The following GTF3A variants were observed in gnomAD, a reference collection of about 807,000 sequenced individuals.
GTF3A encodes transcription factor IIIA.
A neutral mutation model predicts 37.6 loss-of-function variants in GTF3A; 40 were observed. The observed-to-expected ratio is 1.06, with a 90% CI of 0.83 to 1.38. The LOEUF (loss-of-function observed/expected upper bound fraction) is 1.38. GTF3A is among the 40% of genes most tolerant of loss of function. The pLI is 0.00. For missense variants in GTF3A, 500 were observed against 462.6 expected (o/e 1.08, Z -0.74); for synonymous variants, 191 against 166.7 (o/e 1.15, Z -1.12).
At chr13:27,425,780 C>T (rs976820483) in intron 1 of GTF3A, 1 of 152,228 alleles carries the variant, frequency 6.6e-6, no homozygotes, top group Non-Finnish European at 1.5e-5. Context: ...CACACTGCCT[C>T]AGCTTAAAGC....
chr13:27,432,797 C>G lies in GTF3A; in HGVS notation c.555C>G (p.Ala185=), dbSNP rs764010737. Residue 185 remains alanine, a synonymous_variant, in exon 5 of 9, where the codon GCC becomes GCG. Transcript: ENST00000381140. Reference sequence around the variant, plus strand: ...GCAAGCTGAAACGACATGCCAAGGCCCACGAGGGTGTGTACGGATAGCCTG... The same window carrying G: ...GCAAGCTGAAACGACATGCCAAGGCGCACGAGGGTGTGTACGGATAGCCTG... 1.2e-6 allele frequency: 2 copies of G among 1,601,038 alleles called. No individual in the cohort carries two copies. The highest frequency in any genetic ancestry group is 4.5e-5 in the East Asian group (2 of 44,394).
Position 27,430,599 on chromosome 13 carries a change from C to CA in GTF3A, c.467dup (p.His156GlnfsTer4). The CA allele has an allele frequency of 6.2e-7, 1 of 1,609,214 alleles. No individual in the cohort carries two copies. Among genetic ancestry groups the CA allele is most frequent in the Non-Finnish European group, 8.5e-7 (1 of 1,175,866 alleles). Reference sequence around the variant, plus strand: ...GCAGCTGAAAATCCATCAGTGCCAGCATACCAATGAACCTCTATTCAAGTA... The same window carrying CA: ...GCAGCTGAAAATCCATCAGTGCCAGCAATACCAATGAACCTCTATTCAAGTA... On this transcript the variant is annotated frameshift_variant, in exon 4 of 9. Transcript: ENST00000381140. LOFTEE classifies it high-confidence loss of function.
chr13:27,432,181 T>C (rs980490093), intron 4 of GTF3A, among the ~76,000 whole-genome samples: 4 of 152,328 alleles, frequency 2.6e-5, no homozygotes, highest in Admixed American at 1.3e-4. Flanking sequence ...CACTTTCCCT[T>C]GACTTGCACA....
chr13:27,434,396 G>A (rs1167408876), intron 6 of GTF3A, among the ~76,000 whole-genome samples, 177 bp downstream of exon 6: 1 of 152,226 alleles, frequency 6.6e-6, no homozygotes, highest in Admixed American at 6.5e-5. Context: ...CCAGGTCTCT[G>A]AGCCACCCCA....
rs752120193 is a variant in GTF3A at position 27,434,995 on chromosome 13, G to A, written c.834G>A (p.Val278=). ...TCCATGAGGAAAGCCGCCCTTTTGT[G>A]TGTGAACATGCTGGCTGTGGCAAAA... Residue 278 remains valine, a synonymous_variant, in exon 7 of 9, where the codon GTG becomes GTA. Transcript: ENST00000381140. 3 of 1,610,902 alleles carry A rather than the reference G, an allele frequency of 1.9e-6. No individual in the cohort carries two copies. The highest frequency in any genetic ancestry group is 1.7e-5 in the Admixed American group (1 of 60,020).
chr13:27,428,709 G>A (rs543142319), intron 2 of GTF3A, among the ~76,000 whole-genome samples: 19 of 152,278 alleles, frequency 1.2e-4, no homozygotes, highest in South Asian at 1.2e-3. Flanking sequence ...GTGAAGAATG[G>A]CAGGAACCCC....
chr13:27,434,763 T>C (rs1299252463), intron 6 of GTF3A, 42 bp from the exon 7 acceptor site: 1 of 1,169,446 alleles, frequency 8.6e-7, no homozygotes, highest in Non-Finnish European at 1.3e-6. Context: ...TAAATGGTAA[T>C]ATCTGGGGAA....
chr13:27,434,150 CA>C lies in GTF3A; in HGVS notation c.579del (p.Gly194AspfsTer13). 8 of 1,299,730 alleles carry C rather than the reference CA, an allele frequency of 6.2e-6. No homozygotes were observed. Among genetic ancestry groups the C allele is most frequent in the Non-Finnish European group, 9.0e-6 (8 of 892,826 alleles). The allele number at this position is 1,299,730 out of a possible 1,614,324, so 80.5% of individuals were successfully genotyped here. ...AATTTTTTTAATAGGCTATGTATGT[CA>C]AAAAGGATGTTCCTTTGTGGCAAAA... is the stretch of plus-strand genomic sequence containing the variant. On this transcript the variant is annotated frameshift_variant, in exon 6 of 9. Transcript: ENST00000381140. LOFTEE classifies it high-confidence loss of function.
chr13:27,432,354 C>G (rs553111240), intron 4 of GTF3A, among the ~76,000 whole-genome samples: 1 of 152,142 alleles, frequency 6.6e-6, no homozygotes, highest in Non-Finnish European at 1.5e-5. Flanking sequence ...TCGCACACCC[C>G]CTATGCAGCA....
intron 4 of GTF3A, 101 bp from the exon 5 acceptor site, chr13:27,432,630 G>A: frequency 2.1e-6 from 2 of 938,846 alleles, no homozygotes; most frequent in South Asian, 1.4e-5. Flanking sequence ...TATGGGAAGA[G>A]GCAAGACTTT....
intron 4 of GTF3A, among the ~76,000 whole-genome samples, chr13:27,431,291 T>G (rs1176018655): frequency 6.6e-6 from 1 of 152,158 alleles, no homozygotes; most frequent in East Asian, 1.9e-4. Flanking sequence ...TAATCTGAAG[T>G]CTGGTCAAAG....
chr13:27,432,831 C>T (rs749768325), intron 5 of GTF3A, 27 bp downstream of exon 5: 1 of 1,568,488 alleles, frequency 6.4e-7, no homozygotes, highest in African/African-American at 1.3e-5. Flanking sequence ...TGGGTGTGCT[C>T]CGAGGGGGAT....
At chr13:27,431,654 G>T (rs910690158) in intron 4 of GTF3A, among the ~76,000 whole-genome samples, 1 of 152,060 alleles carries the variant, frequency 6.6e-6, no homozygotes, top group Admixed American at 6.5e-5. Flanking sequence ...GGGGGGTGAG[G>T]GATGAAAGAC....
chr13:27,434,843 C>T lies in GTF3A; in HGVS notation c.682C>T (p.Arg228Cys), dbSNP rs184012616. Residue 228 changes from arginine to cysteine, a missense_variant, in exon 7 of 9, where the codon CGC becomes TGC. Coordinates refer to ENST00000381140, the MANE Select transcript of GTF3A (RefSeq NM_002097.3). ...TGAAGTATGCCGGAAAACATTTAAA[C>T]GCAAAGATTACCTTAAGCAACACAT... 897 of 1,612,586 alleles carry T rather than the reference C, an allele frequency of 5.6e-4. No individual in the cohort carries two copies. Among genetic ancestry groups the T allele is most frequent in the East Asian group, 2.9e-3 (129 of 44,872 alleles).
intron 5 of GTF3A, among the ~76,000 whole-genome samples, chr13:27,433,225 A>AC (rs71188781): frequency 6.6e-6 from 1 of 150,694 alleles, no homozygotes; most frequent in Non-Finnish European, 1.5e-5. Flanking sequence ...AAAAAAAAAA[A>AC]GACTTGATTA....
At chr13:27,434,307 C>T in intron 6 of GTF3A, 88 bp downstream of exon 6, 2 of 750,056 alleles carry the variant, frequency 2.7e-6, no homozygotes, top group South Asian at 2.9e-5. Context: ...ATGCTGTGTG[C>T]TTTAAAGTAA....
chr13:27,427,368 A>G (rs1413100686), intron 2 of GTF3A, among the ~76,000 whole-genome samples, 176 bp downstream of exon 2: 1 of 152,038 alleles, frequency 6.6e-6, no homozygotes, highest in Non-Finnish European at 1.5e-5. Context: ...ACTTGAACCC[A>G]GGAGTTTGAG....
intron 5 of GTF3A, among the ~76,000 whole-genome samples, chr13:27,433,441 G>A (rs1480752714): frequency 7.5e-5 from 11 of 146,702 alleles, no homozygotes; most frequent in African/African-American, 2.8e-4. Flanking sequence ...TTAGTGCTTT[G>A]CACATATCCA....
intron 4 of GTF3A, among the ~76,000 whole-genome samples, chr13:27,431,341 G>A (rs965976638): frequency 3.3e-5 from 5 of 152,156 alleles, no homozygotes; most frequent in African/African-American, 4.8e-5. Flanking sequence ...ATGCACACAC[G>A]TTTACAGCAG....
Sources: allele counts gnomAD v4.1 joint callset (sites outside exome capture counted in the v4.1 genomes callset), GRCh38; gene constraint gnomAD v4.1.1; transcripts MANE v1.5; gene names NCBI Gene and HGNC (gene_info 2026-07-23, HGNC 2026-07-21).